KCNQ1OT1: variants seen among roughly 807,000 people sequenced by gnomAD.
KCNQ1OT1 encodes the protein KCNQ1 antisense RNA 2 (non-protein coding).
Position 2,659,833 on chromosome 11 carries a change from A to C in KCNQ1OT1, n.40162T>G, listed in dbSNP as rs79245945. ...GATTCTAATTTGCATTTCCATATTT[A>C]TGTTAATTATGTATCTTTTCATGTG... On this transcript the variant is annotated non_coding_transcript_exon_variant, in exon 1 of 1. Transcript: ENST00000597346. The surrounding 1 kb of genome is among the most constrained non-coding windows in gnomAD (Gnocchi z 4.3). 0.025 allele frequency: 9,914 copies of C among 398,120 alleles called. 825 individuals carry two copies. The highest frequency in any genetic ancestry group is 0.18 in the African/African-American group (8,767 of 48,574). The allele number at this position is 398,120 out of a possible 1,614,324, so 24.7% of individuals were successfully genotyped here. A position where few individuals can be genotyped will look rare whatever the true frequency, so the allele number is the denominator to read the frequency against.
At position 2,698,479 on chromosome 11, in the gene KCNQ1OT1, C is replaced by T; in HGVS notation, n.1516G>A. 2 of 398,536 alleles carry T rather than the reference C, an allele frequency of 5.0e-6. No individual in the cohort carries two copies. Among genetic ancestry groups the T allele is most frequent in the Middle Eastern group, 6.3e-4 (1 of 1,588 alleles). 24.7% of individuals were successfully genotyped at this position (398,536 alleles called of 1,614,324 possible). A position where few individuals can be genotyped will look rare whatever the true frequency, so the allele number is the denominator to read the frequency against. On this transcript the variant is annotated non_coding_transcript_exon_variant, in exon 1 of 1. Coordinates refer to ENST00000597346, the Ensembl canonical transcript of KCNQ1OT1. This position sits in a 1 kb window ranked among gnomAD's most constrained non-coding sequence, Gnocchi z 5.1. ...GATCAACTCTCATCTCCAATATGAC[C>T]AAGAGACTTCTACCACTACCTCTCA...
At chr11:2,628,754 G>C (rs1210334823) in exon 1 of KCNQ1OT1, 3 of 398,150 alleles carry the variant, frequency 7.5e-6, no homozygotes, top group Admixed American at 8.8e-5. Flanking sequence ...AGGTTTTATG[G>C]TTTCAGGTCA....
chr11:2,654,270 C>T lies in KCNQ1OT1; in HGVS notation n.45725G>A. On this transcript the variant is annotated non_coding_transcript_exon_variant, in exon 1 of 1. Transcript: ENST00000597346. The surrounding 1 kb of genome is among the most constrained non-coding windows in gnomAD (Gnocchi z 6.4). ...CTTCTCCTTCACAGTGCAGGATCCGCAGGGCTTTGGTGAATCCACTGAGAG... is the reference window on the plus strand; with the variant it reads ...CTTCTCCTTCACAGTGCAGGATCCGTAGGGCTTTGGTGAATCCACTGAGAG... 1 of 398,560 alleles carries T rather than the reference C, an allele frequency of 2.5e-6. No individual in the cohort carries two copies. Among genetic ancestry groups the T allele is most frequent in the Non-Finnish European group, 4.4e-6 (1 of 226,230 alleles). The allele number at this position is 398,560 out of a possible 1,614,324, so 24.7% of individuals were successfully genotyped here. A position where few individuals can be genotyped will look rare whatever the true frequency, so the allele number is the denominator to read the frequency against.
At chr11:2,681,451 T>A (rs1725997848) in exon 1 of KCNQ1OT1, 1 of 398,584 alleles carries the variant, frequency 2.5e-6, no homozygotes, top group Non-Finnish European at 4.4e-6. Flanking sequence ...TGGGACCAGA[T>A]AACCTTAATG....
rs1040194026 is a variant in KCNQ1OT1, at chr11:2,690,534, G to A, written n.9461C>T. On this transcript the variant is annotated non_coding_transcript_exon_variant, in exon 1 of 1. Transcript: ENST00000597346. This position sits in a 1 kb window ranked among gnomAD's most constrained non-coding sequence, Gnocchi z 5.1. ...CCTATCACAAAGAAAGTGCCACTGGGCCTAGGGAAGGACAAGAAGTAACAT... is the reference window on the plus strand; with the variant it reads ...CCTATCACAAAGAAAGTGCCACTGGACCTAGGGAAGGACAAGAAGTAACAT... 2.5e-6 allele frequency: 1 copy of A among 398,590 alleles called. No individual in the cohort carries two copies. The highest frequency in any genetic ancestry group is 4.4e-6 in the Non-Finnish European group (1 of 226,112). The allele number at this position is 398,590 out of a possible 1,614,324, so 24.7% of individuals were successfully genotyped here.
Position 2,674,411 on chromosome 11 carries a change from G to A in KCNQ1OT1, n.25584C>T, listed in dbSNP as rs1038377467. ...TGCATGCGTGCGTGTGTGTGTGCGC[G>A]CCCGCGCGCACACGACCACAGAGGC... On this transcript the variant is annotated non_coding_transcript_exon_variant, in exon 1 of 1. Coordinates refer to ENST00000597346, the Ensembl canonical transcript of KCNQ1OT1. The surrounding 1 kb of genome is among the most constrained non-coding windows in gnomAD (Gnocchi z 5.9). The A allele has an allele frequency of 4.6e-5, 9 of 193,854 alleles. No homozygotes were observed. The highest frequency in any genetic ancestry group is 1.4e-4 in the African/African-American group (6 of 41,392). The allele number at this position is 193,854 out of a possible 1,614,324, so 12.0% of individuals were successfully genotyped here.
rs532400374 is a variant in KCNQ1OT1, at chr11:2,690,493, CG to C, written n.9501del. 1 of 398,454 alleles carries C rather than the reference CG, an allele frequency of 2.5e-6. No homozygotes were observed. The highest frequency in any genetic ancestry group is 4.4e-6 in the Non-Finnish European group (1 of 226,048). 24.7% of individuals were successfully genotyped at this position (398,454 alleles called of 1,614,324 possible). A position where few individuals can be genotyped will look rare whatever the true frequency, so the allele number is the denominator to read the frequency against. ...CCTGGGAACAGCCACTGGGCCCAGT[CG>C]GGGGGGTCTCAGCACCTATCACAAA... On this transcript the variant is annotated non_coding_transcript_exon_variant, in exon 1 of 1. Transcript: ENST00000597346. This position sits in a 1 kb window ranked among gnomAD's most constrained non-coding sequence, Gnocchi z 5.1.
chr11:2,619,897 C>A, exon 1 of KCNQ1OT1: 1 of 398,052 alleles, frequency 2.5e-6, no homozygotes, highest in South Asian at 1.3e-4. Context: ...ATGTACAGGT[C>A]TATATGTTGC....
At chr11:2,662,129 C>CTTG (rs1849970483) in exon 1 of KCNQ1OT1, 3 of 1,612,012 alleles carry the variant, frequency 1.9e-6, no homozygotes, top group Non-Finnish European at 2.5e-6. Context: ...GGGACTGGAG[C>CTTG]TCAAGGAGTC....
At position 2,652,004 on chromosome 11, in the gene KCNQ1OT1, A is replaced by C; in HGVS notation, n.47991T>G. ...TACTTTTGACATCAGTTGTTAACAT[A>C]ATTTTGATGTTGAGCCTCCCCCCAG... On this transcript the variant is annotated non_coding_transcript_exon_variant, in exon 1 of 1. Transcript: ENST00000597346. This position sits in a 1 kb window ranked among gnomAD's most constrained non-coding sequence, Gnocchi z 5.9. 1 of 398,662 alleles carries C rather than the reference A, an allele frequency of 2.5e-6. No homozygotes were observed. The highest frequency in any genetic ancestry group is 4.4e-6 in the Non-Finnish European group (1 of 226,092). The allele number at this position is 398,662 out of a possible 1,614,324, so 24.7% of individuals were successfully genotyped here.
chr11:2,633,439 C>T (rs921932893), exon 1 of KCNQ1OT1: 33 of 398,412 alleles, frequency 8.3e-5, no homozygotes, highest in Non-Finnish European at 1.3e-4. Context: ...CCCATAAAAT[C>T]TTCGCTAGAC....
At position 2,695,456 on chromosome 11, in the gene KCNQ1OT1, CTG is replaced by C. The variant is rs1850657881; in HGVS notation, n.4537_4538del. The C allele has an allele frequency of 2.5e-6, 1 of 398,664 alleles. No individual in the cohort carries two copies. The highest frequency in any genetic ancestry group is 4.4e-6 in the Non-Finnish European group (1 of 226,112). The allele number at this position is 398,664 out of a possible 1,614,324, so 24.7% of individuals were successfully genotyped here. A position where few individuals can be genotyped will look rare whatever the true frequency, so the allele number is the denominator to read the frequency against. The stretch of plus-strand genomic sequence containing the variant: ...TGTTTGGCATTTGTGTCACTCAGCA[CTG>C]TGTTTCCACGCGTCTCTATCTTGTG... On this transcript the variant is annotated non_coding_transcript_exon_variant, in exon 1 of 1. Transcript: ENST00000597346. The surrounding 1 kb of genome is among the most constrained non-coding windows in gnomAD (Gnocchi z 5.2).
At chr11:2,614,167 A>T (rs1355140048) in exon 1 of KCNQ1OT1, 2 of 398,252 alleles carry the variant, frequency 5.0e-6, no homozygotes, top group Admixed American at 4.4e-5. Context: ...AATCGAATCT[A>T]CCCCCAAGAG....
exon 1 of KCNQ1OT1, chr11:2,660,844 C>T (rs1288416512): frequency 5.0e-6 from 2 of 398,474 alleles, no homozygotes; most frequent in Non-Finnish European, 8.8e-6. Flanking sequence ...CACCCTGCTC[C>T]AGTATGTCAG....
rs1344942699 is a variant in KCNQ1OT1, at chr11:2,645,468, G to A, written n.54527C>T. 2 of 398,594 alleles carry A rather than the reference G, an allele frequency of 5.0e-6. No homozygotes were observed. Among genetic ancestry groups the A allele is most frequent in the Non-Finnish European group, 8.8e-6 (2 of 226,148 alleles). 24.7% of individuals were successfully genotyped at this position (398,594 alleles called of 1,614,324 possible). On this transcript the variant is annotated non_coding_transcript_exon_variant, in exon 1 of 1. Transcript: ENST00000597346. This position sits in a 1 kb window ranked among gnomAD's most constrained non-coding sequence, Gnocchi z 5.8. ...GGTAGGCAGGCACAGGAAGATCCCT[G>A]TATACCCTGCTGAATGCTCATGTTG...
chr11:2,633,976 A>G, exon 1 of KCNQ1OT1: 1 of 398,472 alleles, frequency 2.5e-6, no homozygotes, highest in East Asian at 3.6e-5. Flanking sequence ...GTTCAAATCT[A>G]TGTTGTTGAA....
chr11:2,665,770 G>T (rs1341423993), exon 1 of KCNQ1OT1: 2 of 398,434 alleles, frequency 5.0e-6, no homozygotes, highest in East Asian at 3.6e-5. Flanking sequence ...CCCTAGGATT[G>T]CTGCTCACTC....
At chr11:2,648,892 G>C (rs531620126) in exon 1 of KCNQ1OT1, 95 of 396,098 alleles carry the variant, frequency 2.4e-4, no homozygotes, top group African/African-American at 1.8e-3. Flanking sequence ...CTCCAGTGTT[G>C]TTGGTTGCAT....
chr11:2,688,369 C>T (rs1850528505), exon 1 of KCNQ1OT1: 1 of 398,762 alleles, frequency 2.5e-6, no homozygotes, highest in Non-Finnish European at 4.4e-6. Flanking sequence ...GGAACTTCCC[C>T]GTAGAGGTTT....
Sources: allele counts gnomAD v4.1 joint callset, GRCh38; gene constraint gnomAD v4.1.1; non-coding constraint Gnocchi (gnomAD v3.1); transcripts MANE v1.5; gene names NCBI Gene and HGNC (gene_info 2026-07-23, HGNC 2026-07-21).